The following SLC7A2 variants were observed in gnomAD, a reference collection of about 807,000 sequenced individuals.
The protein encoded by SLC7A2 is cationic amino acid transporter 2.
Under a neutral mutation model 58.9 loss-of-function variants are expected in SLC7A2, and 48 were observed. That is an observed-to-expected ratio of 0.82 (90% CI 0.65 to 1.04). SLC7A2 has a LOEUF of 1.04. SLC7A2 is among the 50% of genes least tolerant of loss of function. SLC7A2 has a pLI of 0.00. For synonymous variants in SLC7A2, 363 were observed against 314.5 expected, an observed-to-expected ratio of 1.15 and a Z score of -1.63; for missense variants, 1,029 against 818.8, an observed-to-expected ratio of 1.26 and a Z score of -3.13.
At chr8:17,545,403 CTTTTTTTTTTT>C (rs386412194) in intron 4 of SLC7A2, among the ~76,000 whole-genome samples, 3 of 64,300 alleles carry the variant, frequency 4.7e-5, no homozygotes, top group African/African-American at 7.0e-5. Context: ...TGAACATTTT[CTTTTTTTTTTT>C]TTTTTTTTTT....
intron 1 of SLC7A2, chr8:17,498,774 G>C (rs1800044782): frequency 6.6e-6 from 1 of 152,150 alleles, no homozygotes; most frequent in Non-Finnish European, 1.5e-5. Flanking sequence ...AGAATCCTTG[G>C]CCTCCTAAGC....
At position 17,560,367 on chromosome 8, in the gene SLC7A2, T is replaced by C. The variant is rs761534507; in HGVS notation, c.1338T>C (p.Ser446=). Residue 446 remains serine (S), a synonymous_variant, in exon 10 of 13, where the codon TCT becomes TCC. Transcript: ENST00000494857. ...PGLSYDQPKC[S]PEKDGLGSSP... is the part of the protein sequence containing the mutation. The stretch of plus-strand genomic sequence containing the variant: ...TATCTTACGACCAGCCCAAATGTTC[T>C]CCTGAGAAAGATGGTCTGGGATCGT... 1.2e-6 allele frequency: 2 copies of C among 1,614,026 alleles called. No homozygotes were observed. Among genetic ancestry groups the C allele is most frequent in the Non-Finnish European group, 1.7e-6 (2 of 1,180,006 alleles).
chr8:17,524,894 G>T (rs1404137006), intron 2 of SLC7A2, among the ~76,000 whole-genome samples: 2 of 151,852 alleles, frequency 1.3e-5, no homozygotes, highest in Non-Finnish European at 2.9e-5. Flanking sequence ...ATTTCCCTGT[G>T]CTCACTTGCT....
At position 17,567,459 on chromosome 8, in the gene SLC7A2, T is replaced by C. The variant is rs895758632; in HGVS notation, c.*2313T>C. 9.2e-5 allele frequency: 14 copies of C among 152,658 alleles called. No individual in the cohort carries two copies. Among genetic ancestry groups the C allele is most frequent in the African/African-American group, 3.4e-4 (14 of 41,448 alleles). 9.5% of individuals were successfully genotyped at this position (152,658 alleles called of 1,614,324 possible). ...TTGAAACACTTTGCAGACACAAATA[T>C]CTATGAAAAGATGCTTTGTCAGCCA... On this transcript the variant is annotated 3_prime_UTR_variant, in exon 13 of 13. Transcript: ENST00000494857.
chr8:17,498,552 C>G (rs1416387529), intron 1 of SLC7A2: 1 of 152,122 alleles, frequency 6.6e-6, no homozygotes, highest in Non-Finnish European at 1.5e-5. Flanking sequence ...GACTTCTTCC[C>G]TCTCCTTTTC....
chr8:17,562,962 G>A (rs966526807), intron 11 of SLC7A2, among the ~76,000 whole-genome samples: 3 of 152,048 alleles, frequency 2.0e-5, no homozygotes, highest in East Asian at 1.9e-4. Flanking sequence ...GCAACATAGC[G>A]AGACCCCATC....
intron 2 of SLC7A2, among the ~76,000 whole-genome samples, chr8:17,537,472 G>A (rs1450947607): frequency 6.6e-6 from 1 of 152,176 alleles, no homozygotes; most frequent in Non-Finnish European, 1.5e-5. Flanking sequence ...TTGTTCGTAA[G>A]AGCTTCAAGA....
chr8:17,502,933 T>G (rs978149207), intron 2 of SLC7A2, among the ~76,000 whole-genome samples: 4 of 151,854 alleles, frequency 2.6e-5, no homozygotes, highest in African/African-American at 9.7e-5. Context: ...TTTAAAAATA[T>G]TATATAAGTT....
chr8:17,545,647 C>G (rs34817373), intron 4 of SLC7A2, among the ~76,000 whole-genome samples: 19,866 of 152,016 alleles, frequency 0.13, 1,772 homozygotes, highest in Non-Finnish European at 0.2. Flanking sequence ...ATCCCCCTGC[C>G]TCAGCCTCCC....
intron 2 of SLC7A2, among the ~76,000 whole-genome samples, chr8:17,524,461 G>A (rs1318041929): frequency 6.9e-6 from 1 of 144,272 alleles, no homozygotes; most frequent in African/African-American, 2.6e-5. Flanking sequence ...CACACACCAT[G>A]GAATACTACT....
intron 2 of SLC7A2, among the ~76,000 whole-genome samples, chr8:17,532,420 A>G (rs1205374465): frequency 1.3e-5 from 2 of 151,914 alleles, no homozygotes; most frequent in African/African-American, 2.4e-5. Context: ...ACCCACAGAC[A>G]TCAAGCTTTA....
intron 3 of SLC7A2, among the ~76,000 whole-genome samples, chr8:17,544,217 G>C (rs910264635): frequency 6.6e-6 from 1 of 152,046 alleles, no homozygotes; most frequent in African/African-American, 2.4e-5. Flanking sequence ...CCTTTTAGTG[G>C]GCTTGCAAAC....
intron 2 of SLC7A2, among the ~76,000 whole-genome samples, chr8:17,530,291 G>A (rs1234151496): frequency 3.9e-5 from 6 of 152,180 alleles, no homozygotes; most frequent in African/African-American, 9.6e-5. Flanking sequence ...TAGCTCGGAT[G>A]GCCTGGGAGC....
At chr8:17,564,172 G>C (rs919729067) in intron 12 of SLC7A2, among the ~76,000 whole-genome samples, 1 of 152,132 alleles carries the variant, frequency 6.6e-6, no homozygotes, top group African/African-American at 2.4e-5. Flanking sequence ...AAGCATGTCC[G>C]TGTCCTCTTT....
At chr8:17,526,484 G>A (rs1801227538) in intron 2 of SLC7A2, among the ~76,000 whole-genome samples, 2 of 151,396 alleles carry the variant, frequency 1.3e-5, no homozygotes, top group South Asian at 4.1e-4. Context: ...TGGTGAGAGA[G>A]AACCTCACTG....
upstream of SLC7A2, among the ~76,000 whole-genome samples, chr8:17,494,156 A>G (rs994245222): frequency 2.6e-5 from 4 of 152,138 alleles, no homozygotes; most frequent in African/African-American, 9.7e-5. Flanking sequence ...ATAGAGTCAC[A>G]AATTAGAACT....
At chr8:17,506,938 T>C (rs1800389755) in intron 2 of SLC7A2, among the ~76,000 whole-genome samples, 1 of 141,520 alleles carries the variant, frequency 7.1e-6, no homozygotes, top group African/African-American at 2.6e-5. Context: ...GCACTACTTA[T>C]TTGTGGAATT....
At chr8:17,515,504 C>G (rs532864783) in intron 2 of SLC7A2, among the ~76,000 whole-genome samples, 2 of 152,192 alleles carry the variant, frequency 1.3e-5, no homozygotes, top group South Asian at 4.1e-4. Context: ...CCATGTTGGC[C>G]AGGATGGTTT....
intron 2 of SLC7A2, among the ~76,000 whole-genome samples, chr8:17,527,946 A>G (rs754914648): frequency 5.9e-5 from 9 of 152,178 alleles, no homozygotes; most frequent in African/African-American, 1.9e-4. Context: ...TTTATGTGAC[A>G]TAAAAATAGA....
Sources: allele counts gnomAD v4.1 joint callset (sites outside exome capture counted in the v4.1 genomes callset), GRCh38; gene constraint gnomAD v4.1.1; transcripts MANE v1.5; gene names NCBI Gene and HGNC (gene_info 2026-07-23, HGNC 2026-07-21).